RHBDF1: variants seen among roughly 807,000 people sequenced by gnomAD.
RHBDF1 encodes the protein rhomboid 5 homolog 1, also known as inactive rhomboid protein 1.
A neutral mutation model predicts 98.6 loss-of-function variants in RHBDF1; 80 were observed. The observed-to-expected ratio is 0.81, with a 90% CI of 0.68 to 0.98. The LOEUF (loss-of-function observed/expected upper bound fraction) is 0.98. RHBDF1 is among the 50% of genes least tolerant of loss of function. The pLI is 0.00. For missense variants in RHBDF1, 1,116 were observed against 1,198.3 expected, an observed-to-expected ratio of 0.93 and a Z score of 1.01; for synonymous variants, 512 against 486.8, an observed-to-expected ratio of 1.05 and a Z score of -0.68.
At chr16:64,567 T>G in intron 3 of RHBDF1, 132 bp downstream of exon 3, 1 of 1,543,694 alleles carries the variant, frequency 6.5e-7, no homozygotes, top group Non-Finnish European at 8.7e-7. Flanking sequence ...GGCAAGGGGA[T>G]GGTGGGGACC....
chr16:60,167 T>C (rs216600), intron 13 of RHBDF1, 49 bp downstream of exon 13: 1,365,911 of 1,613,006 alleles, frequency 0.85, 579,514 homozygotes, highest in African/African-American at 0.96. Context: ...TGGCATTCTC[T>C]CCCACATGAC....
Position 60,252 on chromosome 16 carries a change from G to A in RHBDF1, c.1686C>T (p.Asp562=). Residue 562 remains aspartate, a synonymous_variant, in exon 13 of 18, where the codon GAC becomes GAT. Transcript: ENST00000262316. ...TGATGTCTTCTGGCCACTCATGAGG[G>A]TCTTCGGAGGAGGGCTCATCACACA... is the stretch of plus-strand genomic sequence containing the variant. The part of the protein sequence containing the change: ...PRVCDEPSSE[D]PHEWPEDITK... 1 of 1,614,082 alleles carries A rather than the reference G, an allele frequency of 6.2e-7. No homozygotes were observed. Among genetic ancestry groups the A allele is most frequent in the Non-Finnish European group, 8.5e-7 (1 of 1,180,016 alleles).
Position 72,613 on chromosome 16 carries a change from C to G in RHBDF1, c.-125G>C. The G allele has an allele frequency of 1.0e-6, 1 of 975,754 alleles. No individual in the cohort carries two copies. Among genetic ancestry groups the G allele is most frequent in the Non-Finnish European group, 1.2e-6 (1 of 824,554 alleles). The allele number at this position is 975,754 out of a possible 1,614,324, so 60.4% of individuals were successfully genotyped here. On this transcript the variant is annotated 5_prime_UTR_variant, in exon 1 of 18. Transcript: ENST00000262316. Reference sequence around the variant, plus strand: ...GCCGAGTCCCCGCCCGCCCGCCGGTCCGGCCCGCCCGGGAATGCCCTGGAG... The same window carrying G: ...GCCGAGTCCCCGCCCGCCCGCCGGTGCGGCCCGCCCGGGAATGCCCTGGAG...
rs1225903476 is a variant in RHBDF1, at chr16:58,348, G to A, written c.2560C>T (p.Leu854Phe). 6.2e-7 allele frequency: 1 copy of A among 1,610,726 alleles called. No individual in the cohort carries two copies. Among genetic ancestry groups the A allele is most frequent in the Non-Finnish European group, 8.5e-7 (1 of 1,178,392 alleles). The change falls in exon 18 of 18, where the codon CTC (leucine) becomes TTC (phenylalanine). Residue 854 changes from leucine to phenylalanine, a missense_variant. Leu to Phe is a conservative substitution (Grantham distance 22). Transcript: ENST00000262316. ...FCEKYELDAQLH is the reference protein window; with the variant it reads ...FCEKYELDAQFH ...TGGAGCCCGCAGCCAGCTCAGTGGAGCTGAGCGTCCAGTTCGTACTTCTCA... is the reference window on the plus strand; with the variant it reads ...TGGAGCCCGCAGCCAGCTCAGTGGAACTGAGCGTCCAGTTCGTACTTCTCA...
chr16:62,909 G>T lies in RHBDF1; in HGVS notation c.673-12C>A. On this transcript the variant is annotated splice_polypyrimidine_tract_variant and intron_variant, in intron 5 of 17. Coordinates refer to ENST00000262316, the MANE Select transcript of RHBDF1 (RefSeq NM_022450.5). The stretch of plus-strand genomic sequence containing the variant: ...CTAACGGAGCGGCCCTGGGGACGGG[G>T]AAGTGAGCATGAGACCCGGCTGCTG... 1.2e-6 allele frequency: 2 copies of T among 1,613,532 alleles called. No homozygotes were observed. The highest frequency in any genetic ancestry group is 1.7e-6 in the Non-Finnish European group (2 of 1,179,902).
intron 1 of RHBDF1, 73 bp from the exon 2 acceptor site, chr16:65,112 G>A (rs1897794312): frequency 4.8e-6 from 7 of 1,452,712 alleles, no homozygotes; most frequent in Non-Finnish European, 6.4e-6. Context: ...AGACCCGGGA[G>A]GAGGGAGAAG....
rs761810457 is a variant in RHBDF1, at chr16:61,685, G to C, written c.1220C>G (p.Thr407Ser). The change falls in exon 9 of 18, where the codon ACC (threonine) becomes AGC (serine). Residue 407 changes from threonine (T) to serine (S), a missense_variant. By Grantham distance (58) the Thr-to-Ser change is moderately conservative (BLOSUM62 1). Coordinates refer to ENST00000262316, the MANE Select transcript of RHBDF1 (RefSeq NM_022450.5). ...EDMDDHRPFFTYWLTFVHSLV... is the reference protein window; with the variant it reads ...EDMDDHRPFFSYWLTFVHSLV... Reference sequence around the variant, plus strand: ...CGAGTGCACGAAGGTAAGCCAGTAGGTGAAGAAGGGCCTGCGGGGTGGAGC... The same window carrying C: ...CGAGTGCACGAAGGTAAGCCAGTAGCTGAAGAAGGGCCTGCGGGGTGGAGC... 2 of 1,613,492 alleles carry C rather than the reference G, an allele frequency of 1.2e-6. No homozygotes were observed. The highest frequency in any genetic ancestry group is 2.2e-5 in the East Asian group (1 of 44,874).
chr16:61,743 C>A, intron 8 of RHBDF1, 47 bp from the exon 9 acceptor site: 1 of 1,612,110 alleles, frequency 6.2e-7, no homozygotes, highest in Non-Finnish European at 8.5e-7. Flanking sequence ...ACCCGGAGCC[C>A]CCACCCTCCC....
chr16:60,102 A>G, intron 13 of RHBDF1, 114 bp downstream of exon 13: 2 of 1,567,392 alleles, frequency 1.3e-6, no homozygotes, highest in Admixed American at 1.8e-5. Flanking sequence ...ACAGCCTCTG[A>G]AAACGTGAGG....
Position 59,688 on chromosome 16 carries a change from T to G in RHBDF1, c.1817+44A>C, listed in dbSNP as rs115025447. The G allele has an allele frequency of 6.5e-4, 1,039 of 1,607,462 alleles. 9 individuals carry two copies. The African/African-American group carries it at 0.013, about 19-fold the overall frequency. ...GAGAAGGCACACCCTAGGGCGATGC[T>G]CTGAGCCCAGAGACCAGCTGCACTC... On this transcript the variant is annotated intron_variant, in intron 14 of 17. Coordinates refer to ENST00000262316, the MANE Select transcript of RHBDF1 (RefSeq NM_022450.5).
intron 7 of RHBDF1, 94 bp downstream of exon 7, chr16:62,444 A>G: frequency 3.4e-6 from 5 of 1,491,466 alleles, no homozygotes; most frequent in Non-Finnish European, 2.7e-6. Flanking sequence ...TACCCCTTCC[A>G]TCGCCCACAG....
intron 1 of RHBDF1, among the ~76,000 whole-genome samples, chr16:68,498 A>G (rs1009628599): frequency 2.0e-5 from 3 of 152,054 alleles, no homozygotes; most frequent in Admixed American, 2.0e-4. Context: ...TGTCTCCCCC[A>G]CCCCGCTGAC....
Position 60,487 on chromosome 16 carries a change from A to G in RHBDF1, c.1610T>C (p.Leu537Pro), listed in dbSNP as rs1460392441. The change falls in exon 12 of 18, where the codon CTT (leucine) becomes CCT (proline). Residue 537 changes from leucine (L) to proline (P), a missense_variant. Transcript: ENST00000262316. Reference sequence around the variant, plus strand: ...GCCAAACTGTCTCTTGTGGCCCGCAAGCTCTGGGGCGCTGGGATGGATGGG... The same window carrying G: ...GCCAAACTGTCTCTTGTGGCCCGCAGGCTCTGGGGCGCTGGGATGGATGGG... Reference protein sequence around the residue: ...KWPIHPSAPELAGHKRQFGSV... With the variant: ...KWPIHPSAPEPAGHKRQFGSV... 1.9e-6 allele frequency: 3 copies of G among 1,611,820 alleles called. No homozygotes were observed. In the African/African-American group the frequency reaches 4.0e-5, roughly 22 times the overall value.
chr16:72,093 C>A (rs1191409655), intron 1 of RHBDF1, among the ~76,000 whole-genome samples: 1 of 152,220 alleles, frequency 6.6e-6, no homozygotes, highest in East Asian at 1.9e-4. Context: ...ACCCGCCGGT[C>A]GTGGCCGGGA....
intron 1 of RHBDF1, among the ~76,000 whole-genome samples, chr16:67,309 G>A (rs1433038488): frequency 6.6e-6 from 1 of 152,206 alleles, no homozygotes; most frequent in African/African-American, 2.4e-5. Context: ...CCATTATGGG[G>A]GCCAGAGAGG....
At chr16:61,356 G>A (rs1299587109) in intron 10 of RHBDF1, 29 bp downstream of exon 10, 2 of 1,000,830 alleles carry the variant, frequency 2.0e-6, no homozygotes, top group East Asian at 3.9e-5. Flanking sequence ...TCCCGCCCCC[G>A]CCGGCCCCGC....
In RHBDF1 at chr16:59,885, C is replaced by A. The variant is rs1897543659; in HGVS notation, c.1723-59G>T. The A allele has an allele frequency of 1.6e-5, 26 of 1,611,610 alleles. No individual in the cohort carries two copies. In the South Asian group the frequency reaches 2.6e-4, roughly 16 times the overall value. The stretch of plus-strand genomic sequence containing the variant: ...CCTCCCCCAACCTTTGGCCCCACAC[C>A]ACGTTTGGGGGTAGAGGCAAAGATG... On this transcript the variant is annotated intron_variant, in intron 13 of 17. Transcript: ENST00000262316.
Position 63,027 on chromosome 16 carries a change from G to T in RHBDF1, c.618C>A (p.Arg206=). 1 of 1,612,216 alleles carries T rather than the reference G, an allele frequency of 6.2e-7. No individual in the cohort carries two copies. Among genetic ancestry groups the T allele is most frequent in the African/African-American group, 1.3e-5 (1 of 75,058 alleles). The change falls in exon 5 of 18, where the codon CGC becomes CGA. Residue 206 remains arginine (R), a synonymous_variant. Transcript: ENST00000262316. Reference sequence around the variant, plus strand: ...TCATCTTGGCCACCGACTCTCGCTTGCGCCGCCGCGGGAGCCGGTGGAAAC... The same window carrying T: ...TCATCTTGGCCACCGACTCTCGCTTTCGCCGCCGCGGGAGCCGGTGGAAAC... ...RSGFHRLPRR[R]KRESVAKMSF...
At chr16:61,531 G>T in intron 9 of RHBDF1, 54 bp downstream of exon 9, 1 of 1,610,264 alleles carries the variant, frequency 6.2e-7, no homozygotes, top group South Asian at 1.1e-5. Context: ...GTCGGGAGGG[G>T]GTCCAGTGCC....
Sources: gnomAD v4.1 joint callset for allele counts (sites outside exome capture counted in the v4.1 genomes callset) on GRCh38, gnomAD v4.1.1 for gene constraint, MANE v1.5 for transcripts, NCBI Gene and HGNC (gene_info 2026-07-23, HGNC 2026-07-21) for gene names.